The following DLG2 variants were observed in gnomAD, a reference collection of about 807,000 sequenced individuals.
DLG2 encodes the protein disks large homolog 2.
Under a neutral mutation model 132.5 loss-of-function variants are expected in DLG2, and 45 were observed. The ratio of observed to expected loss-of-function variants is 0.34; its 90% CI spans 0.27 to 0.44. The LOEUF is 0.44. DLG2 is among the 20% of genes least tolerant of loss of function. The probability of loss-of-function intolerance (pLI) is 1.00; values close to 1 mark genes in which losing one functional copy is unlikely to be tolerated. For synonymous variants in DLG2, 424 were observed against 419.6 expected (o/e 1.01, Z -0.13); for missense variants, 1,045 against 1,196.9 (o/e 0.87, Z 1.87).
intron 3 of DLG2, among the ~76,000 whole-genome samples, chr11:85,315,195 T>C (rs2080575714): frequency 6.6e-6 from 1 of 152,032 alleles, no homozygotes; most frequent in Non-Finnish European, 1.5e-5. Flanking sequence ...GGTTCATCAC[T>C]GAGCTCACAG....
In DLG2 at chr11:83,930,252, AG is replaced by A. The variant is rs2079892514; in HGVS notation, c.1496+75del. 4.6e-6 allele frequency: 7 copies of A among 1,520,152 alleles called. No individual in the cohort carries two copies. The East Asian group carries it at 1.6e-4, about 34-fold the overall frequency. 94.2% of individuals were successfully genotyped at this position (1,520,152 alleles called of 1,614,324 possible). On this transcript the variant is annotated intron_variant, in intron 15 of 27. Transcript: ENST00000376104. ...TGTTTAGTGCAAGAGAAGTGAGCAG[AG>A]GCGGATTCTACCCATTTATCCTTGT...
intron 9 of DLG2, among the ~76,000 whole-genome samples, chr11:84,123,642 C>T (rs1333069609): frequency 6.6e-6 from 1 of 152,176 alleles, no homozygotes; most frequent in African/African-American, 2.4e-5. Context: ...ATGCTGGCCT[C>T]CTACTTCAGA....
chr11:84,750,159 T>TC (rs1347668884), intron 6 of DLG2, among the ~76,000 whole-genome samples: 1 of 152,176 alleles, frequency 6.6e-6, no homozygotes, highest in Non-Finnish European at 1.5e-5. Context: ...ACTTTTTTTT[T>TC]CCTTCAATTT....
intron 3 of DLG2, among the ~76,000 whole-genome samples, chr11:85,380,293 G>A (rs949961822): frequency 5.3e-5 from 8 of 152,292 alleles, no homozygotes; most frequent in Non-Finnish European, 8.8e-5. Context: ...TCTCTGCATC[G>A]AAATACGTTC....
At chr11:85,220,971 G>A (rs1595491071) in intron 4 of DLG2, among the ~76,000 whole-genome samples, 1 of 151,742 alleles carries the variant, frequency 6.6e-6, no homozygotes, top group East Asian at 1.9e-4. Context: ...TCAGGATACA[G>A]TTAGTTTCTC....
At chr11:84,355,246 G>C (rs1032779233) in intron 7 of DLG2, among the ~76,000 whole-genome samples, 4 of 152,084 alleles carry the variant, frequency 2.6e-5, no homozygotes, top group African/African-American at 9.7e-5. Context: ...CACAGGAAGG[G>C]AGGAAAGAGA....
At chr11:85,521,155 T>C (rs921853433) in intron 3 of DLG2, among the ~76,000 whole-genome samples, 1 of 152,222 alleles carries the variant, frequency 6.6e-6, no homozygotes, top group African/African-American at 2.4e-5. Flanking sequence ...TCTTGAGTTG[T>C]AATCCTAATT....
intron 21 of DLG2, among the ~76,000 whole-genome samples, chr11:83,506,419 T>C (rs922114460): frequency 2.6e-5 from 4 of 152,192 alleles, no homozygotes; most frequent in Non-Finnish European, 4.4e-5. Context: ...ATTCAAAGCA[T>C]TGATTTTTGA....
chr11:84,084,964 T>C (rs1566413963), intron 10 of DLG2, among the ~76,000 whole-genome samples: 1 of 152,188 alleles, frequency 6.6e-6, no homozygotes, highest in South Asian at 2.1e-4. Flanking sequence ...CTTATTTTTA[T>C]AGTGAGGTCT....
At chr11:85,135,289 C>T (rs1476643107) in intron 5 of DLG2, among the ~76,000 whole-genome samples, 1 of 152,168 alleles carries the variant, frequency 6.6e-6, no homozygotes, top group Admixed American at 6.5e-5. Context: ...AGCCTAGTAA[C>T]TTTCAATAGC....
intron 19 of DLG2, among the ~76,000 whole-genome samples, chr11:83,546,247 A>T (rs914342527): frequency 6.6e-6 from 1 of 152,146 alleles, no homozygotes; most frequent in Non-Finnish European, 1.5e-5. Context: ...CAATGTAGTA[A>T]GCATTTTATA....
intron 19 of DLG2, among the ~76,000 whole-genome samples, chr11:83,568,888 G>C (rs1276147288): frequency 6.6e-6 from 1 of 151,824 alleles, no homozygotes; most frequent in Non-Finnish European, 1.5e-5. Context: ...CCTATCCACA[G>C]TGCTGCGCTA....
At chr11:84,768,521 G>A (rs2153883178) in intron 6 of DLG2, among the ~76,000 whole-genome samples, 1 of 152,204 alleles carries the variant, frequency 6.6e-6, no homozygotes, top group South Asian at 2.1e-4. Context: ...CTACAGGAGT[G>A]TGCAATATAT....
chr11:85,579,340 G>C (rs2078362405), intron 3 of DLG2, among the ~76,000 whole-genome samples: 1 of 151,964 alleles, frequency 6.6e-6, no homozygotes, highest in Non-Finnish European at 1.5e-5. Flanking sequence ...CATGATACAA[G>C]TTTGCCTATC....
At chr11:84,231,207 A>G (rs749690009) in intron 8 of DLG2, among the ~76,000 whole-genome samples, 1 of 152,196 alleles carries the variant, frequency 6.6e-6, no homozygotes, top group African/African-American at 2.4e-5. Context: ...TACAGCAGCT[A>G]TTTGAACCAT....
At chr11:85,446,059 C>T (rs185076306) in intron 3 of DLG2, among the ~76,000 whole-genome samples, 47 of 152,320 alleles carry the variant, frequency 3.1e-4, no homozygotes, top group African/African-American at 1.1e-3. Context: ...ATCCCTTCCT[C>T]TTTAAGTAAA....
intron 6 of DLG2, among the ~76,000 whole-genome samples, chr11:84,885,074 T>A (rs11234225): frequency 0.42 from 64,512 of 151,832 alleles, 14,163 homozygotes; most frequent in Middle Eastern, 0.45. Flanking sequence ...ACCTCACTTC[T>A]TCTTATCATA....
intron 21 of DLG2, among the ~76,000 whole-genome samples, chr11:83,499,374 A>G (rs1037504391): frequency 6.6e-6 from 1 of 152,174 alleles, no homozygotes; most frequent in Non-Finnish European, 1.5e-5. Flanking sequence ...TTTGTAGTCT[A>G]TATTGCAATG....
At chr11:83,569,179 T>C (rs2096757663) in intron 19 of DLG2, among the ~76,000 whole-genome samples, 1 of 140,620 alleles carries the variant, frequency 7.1e-6, no homozygotes, top group South Asian at 2.3e-4. Context: ...GAAAAGTAGG[T>C]TGCTATTGAA....
Sources: allele counts gnomAD v4.1 joint callset (sites outside exome capture counted in the v4.1 genomes callset), GRCh38; gene constraint gnomAD v4.1.1; transcripts MANE v1.5; gene names NCBI Gene and HGNC (gene_info 2026-07-23, HGNC 2026-07-21).